Variants in THSD4 observed in about 807,000 individuals in gnomAD.
THSD4 encodes the protein thrombospondin type-1 domain-containing protein 4.
In THSD4, 69 loss-of-function variants were observed where a neutral mutation model predicts 119.0. The observed-to-expected ratio is 0.58, with a 90% CI of 0.48 to 0.71. The LOEUF (loss-of-function observed/expected upper bound fraction) is 0.71. Among genes scored for constraint, THSD4 ranks in the 30% least tolerant of loss-of-function variants. The pLI is 0.00. For synonymous variants in THSD4, 524 were observed against 540.4 expected, an observed-to-expected ratio of 0.97 and a Z score of 0.42; for missense variants, 1,393 against 1,391.1, an observed-to-expected ratio of 1.00 and a Z score of -0.02.
intron 8 of THSD4, among the ~76,000 whole-genome samples, chr15:71,714,126 G>A (rs1202850724): frequency 6.6e-6 from 1 of 152,162 alleles, no homozygotes; most frequent in Non-Finnish European, 1.5e-5. Flanking sequence ...GATTACTTTT[G>A]CACCAACCTT....
chr15:71,238,140 G>T (rs528791785), intron 4 of THSD4, among the ~76,000 whole-genome samples: 1 of 152,144 alleles, frequency 6.6e-6, no homozygotes, highest in South Asian at 2.1e-4. Flanking sequence ...AATCACACAT[G>T]ATGCTCAATA....
chr15:71,408,177 A>G (rs1014586177), intron 6 of THSD4, among the ~76,000 whole-genome samples: 26 of 152,088 alleles, frequency 1.7e-4, no homozygotes, highest in Middle Eastern at 3.4e-3. Context: ...CAAAAAAAAA[A>G]AGAATAAAGT....
intron 3 of THSD4, among the ~76,000 whole-genome samples, chr15:71,177,813 TG>T (rs1567147163): frequency 6.7e-6 from 1 of 149,192 alleles, no homozygotes; most frequent in African/African-American, 2.5e-5. Flanking sequence ...GCTTCATCCC[TG>T]GGATGCAAGG....
At chr15:71,415,463 C>A (rs757470105) in intron 7 of THSD4, among the ~76,000 whole-genome samples, 1 of 152,176 alleles carries the variant, frequency 6.6e-6, no homozygotes, top group Non-Finnish European at 1.5e-5. Flanking sequence ...TTGATACAGG[C>A]AAACAATATA....
chr15:71,765,840 A>G (rs1050432012), intron 16 of THSD4, among the ~76,000 whole-genome samples: 4 of 151,814 alleles, frequency 2.6e-5, no homozygotes, highest in East Asian at 1.9e-4. Context: ...TAAAAATCCT[A>G]TAGACATTCT....
chr15:71,525,596 T>G (rs967520160), intron 7 of THSD4, among the ~76,000 whole-genome samples: 4 of 152,196 alleles, frequency 2.6e-5, no homozygotes, highest in Non-Finnish European at 4.4e-5. Context: ...GTTTTATGTA[T>G]TAGGGAGATG....
intron 7 of THSD4, among the ~76,000 whole-genome samples, chr15:71,463,509 A>G (rs1566993095): frequency 6.6e-6 from 1 of 152,336 alleles, no homozygotes; most frequent in Admixed American, 6.5e-5. Context: ...TGATTAATCA[A>G]TACATTCTGG....
chr15:71,511,942 G>A (rs1203957205), intron 7 of THSD4, among the ~76,000 whole-genome samples: 1 of 152,138 alleles, frequency 6.6e-6, no homozygotes, highest in East Asian at 1.9e-4. Context: ...CCTAGGGAGG[G>A]TGATATACAT....
chr15:71,763,970 G>A (rs2053670418), intron 15 of THSD4, among the ~76,000 whole-genome samples: 1 of 152,144 alleles, frequency 6.6e-6, no homozygotes, highest in Non-Finnish European at 1.5e-5. Flanking sequence ...TGGAGGCTGA[G>A]GTGGGATGAT....
At chr15:71,320,957 A>C (rs2140360343) in intron 6 of THSD4, among the ~76,000 whole-genome samples, 1 of 152,284 alleles carries the variant, frequency 6.6e-6, no homozygotes, top group East Asian at 1.9e-4. Flanking sequence ...ATCCATGGAA[A>C]GTGATGTAGC....
At chr15:71,671,506 A>G (rs1277789379) in intron 8 of THSD4, among the ~76,000 whole-genome samples, 1 of 152,166 alleles carries the variant, frequency 6.6e-6, no homozygotes, top group South Asian at 2.1e-4. Flanking sequence ...CCATTTGTCA[A>G]TTTTGGCTTT....
intron 7 of THSD4, among the ~76,000 whole-genome samples, chr15:71,652,857 G>A (rs926491651): frequency 6.6e-6 from 1 of 152,202 alleles, no homozygotes; most frequent in African/African-American, 2.4e-5. Flanking sequence ...TTTATGCCAT[G>A]GACCATTTCT....
chr15:71,108,038 C>A (rs1422842341), intron 1 of THSD4, among the ~76,000 whole-genome samples: 1 of 152,202 alleles, frequency 6.6e-6, no homozygotes, highest in Non-Finnish European at 1.5e-5. Context: ...AGCATGCAGC[C>A]AATGCAGGGC....
chr15:71,104,678 A>G (rs1490095462), intron 1 of THSD4, among the ~76,000 whole-genome samples: 1 of 152,186 alleles, frequency 6.6e-6, no homozygotes, highest in Admixed American at 6.5e-5. Context: ...AAAGACATAA[A>G]TTCACACATG....
intron 7 of THSD4, among the ~76,000 whole-genome samples, chr15:71,510,577 A>T (rs2048266083): frequency 6.6e-6 from 1 of 152,186 alleles, no homozygotes; most frequent in Non-Finnish European, 1.5e-5. Flanking sequence ...AGTGACCTGA[A>T]TACAGCATGG....
chr15:71,493,524 G>C (rs1279414334), intron 7 of THSD4, among the ~76,000 whole-genome samples: 1 of 152,152 alleles, frequency 6.6e-6, no homozygotes, highest in African/African-American at 2.4e-5. Context: ...GAGGCTCCGG[G>C]AAGCTTAATG....
At chr15:71,681,838 T>C (rs2051788451) in intron 8 of THSD4, among the ~76,000 whole-genome samples, 1 of 152,204 alleles carries the variant, frequency 6.6e-6, no homozygotes, top group Non-Finnish European at 1.5e-5. Context: ...CAAACGGAAG[T>C]TGATCAACAC....
chr15:71,154,949 C>T lies in THSD4; in HGVS notation c.99+17C>T, dbSNP rs760334523. On this transcript the variant is annotated intron_variant, in intron 3 of 17. Transcript: ENST00000261862. ...CACAGGAAGGTAAGCCATGGCCATC[C>T]AGAGGTTTTCTTCTCTGCCCAAGGG... 3 of 1,613,576 alleles carry T rather than the reference C, an allele frequency of 1.9e-6. No individual in the cohort carries two copies. In the Admixed American group the frequency reaches 5.0e-5, roughly 27 times the overall value.
chr15:71,538,796 A>C (rs2048720639), intron 7 of THSD4, among the ~76,000 whole-genome samples: 1 of 152,222 alleles, frequency 6.6e-6, no homozygotes, highest in South Asian at 2.1e-4. Flanking sequence ...TACAGTCAAC[A>C]TGAGAATGGT....
Sources: allele counts gnomAD v4.1 joint callset (sites outside exome capture counted in the v4.1 genomes callset), GRCh38; gene constraint gnomAD v4.1.1; transcripts MANE v1.5; gene names NCBI Gene and HGNC (gene_info 2026-07-23, HGNC 2026-07-21).